Variants in KCNH8 observed in about 807,000 individuals in gnomAD.
KCNH8 encodes voltage-gated delayed rectifier potassium channel KCNH8.
A neutral mutation model predicts 103.6 loss-of-function variants in KCNH8; 70 were observed. The observed-to-expected ratio is 0.68, with a 90% CI of 0.56 to 0.82. The LOEUF is 0.82. KCNH8 is among the 40% of genes least tolerant of loss of function. The pLI, the probability that KCNH8 is intolerant of heterozygous loss-of-function variation, is 0.00. For synonymous variants in KCNH8, 498 were observed against 489.4 expected, an observed-to-expected ratio of 1.02 and a Z score of -0.23; for missense variants, 1,217 against 1,329.9, an observed-to-expected ratio of 0.92 and a Z score of 1.32.
intron 1 of KCNH8, among the ~76,000 whole-genome samples, chr3:19,199,266 G>C: frequency 6.6e-6 from 1 of 152,052 alleles, no homozygotes; most frequent in East Asian, 1.9e-4. Flanking sequence ...CTGACAGGGT[G>C]CTTTTAGAAC....
rs118183446 is a variant in KCNH8 at position 19,275,432 on chromosome 3, A to G, written c.311-5766A>G. Among the ~76,000 whole-genome samples the G allele has an allele frequency of 4.7e-3, 719 of 152,194 alleles. 24 individuals are homozygous for G. In the East Asian group the frequency reaches 0.085, roughly 18 times the overall value. ...CTCCACTGTTACACAGGGAGTCAGG[A>G]AACCAGTGCCATTTACTTTGGCTCA... On this transcript the variant is annotated intron_variant, in intron 2 of 15. Coordinates refer to ENST00000328405, the MANE Select transcript of KCNH8 (RefSeq NM_144633.3).
intron 11 of KCNH8, among the ~76,000 whole-genome samples, chr3:19,482,189 T>G (rs1214663148): frequency 6.6e-6 from 1 of 152,160 alleles, no homozygotes; most frequent in Non-Finnish European, 1.5e-5. Context: ...TCCACAGTGC[T>G]TTTCCATACA....
chr3:19,245,226 A>C (rs2064189517), intron 1 of KCNH8, among the ~76,000 whole-genome samples: 1 of 152,156 alleles, frequency 6.6e-6, no homozygotes, highest in Non-Finnish European at 1.5e-5. Context: ...TCCCTTCCCC[A>C]TTGCTTGCTT....
In KCNH8 at chr3:19,232,380, T is replaced by C. The variant is rs150707212; in HGVS notation, c.77-21274T>C. 6.0e-3 allele frequency among the ~76,000 whole-genome samples: 915 copies of C among 152,320 alleles called. 11 individuals carry two copies. Among genetic ancestry groups the C allele is most frequent in the African/African-American group, 0.021 (871 of 41,568 alleles). The stretch of plus-strand genomic sequence containing the variant: ...AAGGGATGTTTGATGTAGAAAATCT[T>C]AGCTACAAGAAAACCAAGGATCCAA... On this transcript the variant is annotated intron_variant, in intron 1 of 15. Coordinates refer to ENST00000328405, the MANE Select transcript of KCNH8 (RefSeq NM_144633.3).
chr3:19,503,457 T>A (rs182645518), intron 11 of KCNH8, among the ~76,000 whole-genome samples: 6,904 of 152,202 alleles, frequency 0.045, 364 homozygotes, highest in East Asian at 0.26. Context: ...TAAATCATGC[T>A]GCTATAAAGA....
At chr3:19,511,928 C>T (rs570857692) in intron 12 of KCNH8, among the ~76,000 whole-genome samples, 319 of 152,114 alleles carry the variant, frequency 2.1e-3, no homozygotes, top group African/African-American at 7.2e-3. Flanking sequence ...CCAAAAAATC[C>T]GTATACACCA....
chr3:19,296,865 TAAAAAA>T (rs953361627), intron 3 of KCNH8, among the ~76,000 whole-genome samples: 1 of 147,392 alleles, frequency 6.8e-6, no homozygotes, highest in Non-Finnish European at 1.5e-5. Context: ...ATTTTTTTCT[TAAAAAA>T]AAAAGACATG....
intron 1 of KCNH8, among the ~76,000 whole-genome samples, chr3:19,168,121 CTGTGTCAG>C (rs1326834897): frequency 2.6e-5 from 4 of 151,852 alleles, no homozygotes; most frequent in Non-Finnish European, 5.9e-5. Flanking sequence ...AGCGATTCTC[CTGTGTCAG>C]CCTCCGAGTA....
chr3:19,459,842 T>C (rs1337836524), intron 11 of KCNH8, among the ~76,000 whole-genome samples: 1 of 152,112 alleles, frequency 6.6e-6, no homozygotes, highest in Non-Finnish European at 1.5e-5. Context: ...TTGATAAAAT[T>C]TTCATGATTC....
At chr3:19,528,847 A>C (rs1239417265) in intron 15 of KCNH8, among the ~76,000 whole-genome samples, 1 of 152,158 alleles carries the variant, frequency 6.6e-6, no homozygotes, top group Non-Finnish European at 1.5e-5. Flanking sequence ...AGATACTGAG[A>C]TAACAGTTTC....
chr3:19,454,498 A>G (rs2067501434), intron 10 of KCNH8, among the ~76,000 whole-genome samples: 1 of 152,072 alleles, frequency 6.6e-6, no homozygotes, highest in African/African-American at 2.4e-5. Flanking sequence ...TTCTAAACAG[A>G]CATAATGTGT....
chr3:19,232,953 T>C (rs1243429405), intron 1 of KCNH8, among the ~76,000 whole-genome samples: 4 of 152,188 alleles, frequency 2.6e-5, no homozygotes, highest in Admixed American at 2.6e-4. Context: ...CAATTTTCTA[T>C]GATTCAACCT....
Position 19,439,976 on chromosome 3 carries a change from A to C in KCNH8, c.1375+1615A>C, listed in dbSNP as rs375712773. On this transcript the variant is annotated intron_variant, in intron 8 of 15. Transcript: ENST00000328405. ...AGAGGGAGGAGAGGGAGAGAGATAAAGGATGGAAGGCAGGCAGGCAGGCAA... is the reference window on the plus strand; with the variant it reads ...AGAGGGAGGAGAGGGAGAGAGATAACGGATGGAAGGCAGGCAGGCAGGCAA... 8.5e-5 allele frequency among the ~76,000 whole-genome samples: 13 copies of C among 152,116 alleles called. No individual in the cohort carries two copies. The South Asian group carries it at 1.2e-3, about 15-fold the overall frequency.
At chr3:19,315,227 G>A (rs2065258067) in intron 3 of KCNH8, among the ~76,000 whole-genome samples, 1 of 151,920 alleles carries the variant, frequency 6.6e-6, no homozygotes. Flanking sequence ...GAAAATGAAG[G>A]TTCTATTTCT....
intron 3 of KCNH8, among the ~76,000 whole-genome samples, chr3:19,300,142 G>A (rs765169103): frequency 4.6e-5 from 7 of 151,874 alleles, no homozygotes; most frequent in East Asian, 1.9e-4. Flanking sequence ...TTGGCTACTC[G>A]GGAGGCTGAG....
intron 11 of KCNH8, among the ~76,000 whole-genome samples, chr3:19,507,462 G>A (rs939027493): frequency 1.3e-5 from 2 of 152,186 alleles, no homozygotes; most frequent in Non-Finnish European, 2.9e-5. Context: ...TCCTTATGGT[G>A]TGTAGTGTGC....
chr3:19,472,407 G>C (rs1340169599), intron 11 of KCNH8, among the ~76,000 whole-genome samples: 5 of 152,148 alleles, frequency 3.3e-5, no homozygotes, highest in Non-Finnish European at 7.3e-5. Flanking sequence ...CCAAGTGGGA[G>C]ATAATGAATC....
chr3:19,434,085 G>A (rs2067161103), intron 7 of KCNH8, among the ~76,000 whole-genome samples: 1 of 152,114 alleles, frequency 6.6e-6, no homozygotes. Flanking sequence ...GGGTACACAG[G>A]TGCTCTCTGT....
intron 1 of KCNH8, among the ~76,000 whole-genome samples, chr3:19,206,203 GTA>G (rs1201623710): frequency 8.0e-6 from 1 of 125,608 alleles, no homozygotes; most frequent in African/African-American, 4.9e-5. Context: ...ATATATATAT[GTA>G]TATATACATA....
Sources: allele counts gnomAD v4.1 joint callset (sites outside exome capture counted in the v4.1 genomes callset), GRCh38; gene constraint gnomAD v4.1.1; transcripts MANE v1.5; gene names NCBI Gene and HGNC (gene_info 2026-07-23, HGNC 2026-07-21).